Variants in ANKRD11 observed in about 807,000 individuals in gnomAD.
The protein encoded by ANKRD11 is ankyrin repeat domain-containing protein 11.
A neutral mutation model predicts 195.7 loss-of-function variants in ANKRD11; 17 were observed. The observed-to-expected ratio is 0.09, with a 90% CI of 0.06 to 0.13. ANKRD11 has a LOEUF of 0.13. Ranked by LOEUF, ANKRD11 falls within the 10% of genes least tolerant of loss-of-function variation. The pLI, the probability that ANKRD11 is intolerant of heterozygous loss-of-function variation, is 1.00. For synonymous variants in ANKRD11, 1,953 were observed against 1,528.1 expected (o/e 1.28, Z -6.49); for missense variants, 3,735 against 3,566.1 (o/e 1.05, Z -1.21).
At position 89,280,122 on chromosome 16, in the gene ANKRD11, C is replaced by T; in HGVS notation, c.6420G>A (p.Glu2140=). The change falls in exon 9 of 13, where the codon GAG becomes GAA. Residue 2140 remains glutamate, a synonymous_variant. Transcript: ENST00000301030. ...CGGCATCTTTAGTCTGCAGGGGAAG[C>T]TCCGGCAGGGAGAAGGGCCCCAGGT... ...DLDLGPFSLP[E]LPLQTKDAAD... is the part of the protein sequence containing the mutation. 6.2e-7 allele frequency: 1 copy of T among 1,612,542 alleles called. No individual in the cohort carries two copies. The highest frequency in any genetic ancestry group is 8.5e-7 in the Non-Finnish European group (1 of 1,179,654).
chr16:89,458,721 G>C (rs2056540836), intron 1 of ANKRD11: 3 of 152,168 alleles, frequency 2.0e-5, no homozygotes, highest in Non-Finnish European at 4.4e-5. Context: ...CAAAATCCAA[G>C]CCTGCTTTGC....
intron 2 of ANKRD11, among the ~76,000 whole-genome samples, chr16:89,385,618 A>C (rs889520243): frequency 6.6e-6 from 1 of 152,090 alleles, no homozygotes; most frequent in East Asian, 1.9e-4. Flanking sequence ...AACACAACAC[A>C]CTCACGATGA....
intron 2 of ANKRD11, among the ~76,000 whole-genome samples, chr16:89,417,315 A>T (rs1597343183): frequency 6.6e-6 from 1 of 152,326 alleles, no homozygotes; most frequent in Admixed American, 6.5e-5. Flanking sequence ...TGGAATGTTC[A>T]CTTTAAAACC....
At chr16:89,296,206 A>G (rs1192027267) in intron 4 of ANKRD11, among the ~76,000 whole-genome samples, 1 of 151,646 alleles carries the variant, frequency 6.6e-6, no homozygotes, top group Non-Finnish European at 1.5e-5. Flanking sequence ...TCATATTTAA[A>G]TGTGTAATTA....
intron 2 of ANKRD11, among the ~76,000 whole-genome samples, chr16:89,365,788 G>A (rs1597798261): frequency 6.6e-6 from 1 of 152,132 alleles, no homozygotes; most frequent in African/African-American, 2.4e-5. Context: ...AGGGTTTGTT[G>A]AACAGACTAT....
Position 89,279,423 on chromosome 16 carries a change from G to A in ANKRD11, c.7119C>T (p.Gly2373=), listed in dbSNP as rs1171824917. ...PAPVTRAKAR[G]SEDDDAQAQH... is the part of the protein sequence containing the mutation. ...GGGCCTGGGCGTCGTCGTCCTCGGAGCCGCGGGCCTTGGCCCTGGTGACCG... is the reference window on the plus strand; with the variant it reads ...GGGCCTGGGCGTCGTCGTCCTCGGAACCGCGGGCCTTGGCCCTGGTGACCG... Residue 2373 remains glycine (G), a synonymous_variant, in exon 9 of 13, where the codon GGC becomes GGT. Transcript: ENST00000301030. This position sits in a 1 kb window ranked among gnomAD's most constrained non-coding sequence, Gnocchi z 5.6. The A allele has an allele frequency of 2.0e-6, 3 of 1,526,176 alleles. No homozygotes were observed. The highest frequency in any genetic ancestry group is 2.4e-5 in the South Asian group (2 of 84,064). 94.5% of individuals were successfully genotyped at this position (1,526,176 alleles called of 1,614,324 possible).
rs1238617219 is a variant in ANKRD11, at chr16:89,282,641, T to C, written c.3901A>G (p.Ser1301Gly). 1 of 1,614,026 alleles carries C rather than the reference T, an allele frequency of 6.2e-7. No homozygotes were observed. Among genetic ancestry groups the C allele is most frequent in the Non-Finnish European group, 8.5e-7 (1 of 1,180,026 alleles). ...GTGAAGCTGTCAGAGGAGACCTCGC[T>C]GATTTTATCGTTGGAGTCTTCTCTG... is the stretch of plus-strand genomic sequence containing the variant. ...EYREDSNDKI[S>G]EVSSDSFTDR... Residue 1301 changes from serine (S) to glycine (G), a missense_variant, in exon 9 of 13, where the codon AGC becomes GGC. Ser to Gly is a moderately conservative substitution (Grantham distance 56, BLOSUM62 0). Transcript: ENST00000301030.
intron 2 of ANKRD11, among the ~76,000 whole-genome samples, chr16:89,376,772 C>G (rs1161671076): frequency 6.6e-6 from 1 of 152,104 alleles, no homozygotes; most frequent in Non-Finnish European, 1.5e-5. Flanking sequence ...AGGTGAAACT[C>G]CCCTATTCTG....
chr16:89,485,651 T>G (rs1220583158), intron 1 of ANKRD11, among the ~76,000 whole-genome samples: 2 of 152,156 alleles, frequency 1.3e-5, no homozygotes, highest in African/African-American at 2.4e-5. Flanking sequence ...CAATTAGTCT[T>G]TAAAAAGCAA....
Position 89,349,134 on chromosome 16 carries a change from TAAAAAAAAAAAAAA to T in ANKRD11, c.-59-32070_-59-32057del, listed in dbSNP as rs59621400. Among the ~76,000 whole-genome samples the T allele has an allele frequency of 7.8e-4, 13 of 16,578 alleles. No homozygotes were observed. The South Asian group carries it at 0.014, about 18-fold the overall frequency. The allele number at this position is 16,578 out of a possible 152,430, so 10.9% of individuals were successfully genotyped here. On this transcript the variant is annotated intron_variant, in intron 2 of 12. Coordinates refer to ENST00000301030, the MANE Select transcript of ANKRD11 (RefSeq NM_013275.6). ...CAGAGTAAAACACTGTCTCAAAAAG[TAAAAAAAAAAAAAA>T]AAAAAAAAAAAAAGAATAATAATTA...
In ANKRD11 at chr16:89,309,197, G is replaced by A. The variant is rs116977519; in HGVS notation, c.88-3853C>T. On this transcript the variant is annotated intron_variant, in intron 3 of 12. Transcript: ENST00000301030. ...TCCCTGGTGGTTCTTGGGGCACACTGGCTCATCGACAGAAGAGCCCACAAA... is the reference window on the plus strand; with the variant it reads ...TCCCTGGTGGTTCTTGGGGCACACTAGCTCATCGACAGAAGAGCCCACAAA... 8.0e-4 allele frequency among the ~76,000 whole-genome samples: 122 copies of A among 152,288 alleles called. 5 individuals carry two copies. The highest frequency in any genetic ancestry group is 6.9e-3 in the East Asian group (36 of 5,184).
At position 89,282,140 on chromosome 16, in the gene ANKRD11, TCTCC is replaced by T; in HGVS notation, c.4398_4401del (p.Glu1467AsnfsTer63). The T allele has an allele frequency of 6.2e-7, 1 of 1,613,912 alleles. No individual in the cohort carries two copies. The highest frequency in any genetic ancestry group is 8.5e-7 in the Non-Finnish European group (1 of 1,179,990). ...TGCCTCTCCTTCTCGTCTCTCCATT[TCTCC>T]CTGTGTTTCTCTCTCTTCTTCTTCT... On this transcript the variant is annotated frameshift_variant, in exon 9 of 13. Coordinates refer to ENST00000301030, the MANE Select transcript of ANKRD11 (RefSeq NM_013275.6). LOFTEE classifies it high-confidence loss of function.
intron 2 of ANKRD11, chr16:89,324,651 T>C (rs933551951): frequency 1.3e-5 from 5 of 381,338 alleles, no homozygotes; most frequent in East Asian, 1.5e-4. Flanking sequence ...CCAGCCTCCA[T>C]CTTTCTTCCA....
At chr16:89,471,036 T>G (rs914760007) in intron 1 of ANKRD11, among the ~76,000 whole-genome samples, 3 of 150,780 alleles carry the variant, frequency 2.0e-5, no homozygotes, top group Non-Finnish European at 4.4e-5. Context: ...GCCAAAGCCT[T>G]CCTTCCTACA....
In ANKRD11 at chr16:89,282,196, C is replaced by G; in HGVS notation, c.4346G>C (p.Gly1449Ala). 6.2e-7 allele frequency: 1 copy of G among 1,614,072 alleles called. No individual in the cohort carries two copies. Among genetic ancestry groups the G allele is most frequent in the Non-Finnish European group, 8.5e-7 (1 of 1,180,016 alleles). The part of the protein sequence containing the change: ...KKIEKELKPY[G>A]SSAINILKEK... Reference sequence around the variant, plus strand: ...TTTTAGGATGTTGATGGCACTAGATCCATAAGGCTTTAGTTCCTTTTCTAT... The same window carrying G: ...TTTTAGGATGTTGATGGCACTAGATGCATAAGGCTTTAGTTCCTTTTCTAT... The change falls in exon 9 of 13, where the codon GGA (glycine) becomes GCA (alanine). Residue 1449 changes from glycine to alanine, a missense_variant. By Grantham distance (60) the Gly-to-Ala change is moderately conservative (BLOSUM62 0). Coordinates refer to ENST00000301030, the MANE Select transcript of ANKRD11 (RefSeq NM_013275.6).
At chr16:89,330,773 C>A (rs2038023828) in intron 2 of ANKRD11, among the ~76,000 whole-genome samples, 1 of 151,418 alleles carries the variant, frequency 6.6e-6, no homozygotes, top group African/African-American at 2.4e-5. Flanking sequence ...AACCTCTAGC[C>A]CACACTCTGC....
At chr16:89,490,068 T>C (rs9925045) in intron 1 of ANKRD11, among the ~76,000 whole-genome samples, 177 bp downstream of exon 1, 49,655 of 100,842 alleles carry the variant, frequency 0.49, 12,345 homozygotes, top group East Asian at 0.63. Flanking sequence ...CCATTATTGG[T>C]CCCTCACGAT....
In ANKRD11 at chr16:89,275,138, C is replaced by T. The variant is rs2033537393; in HGVS notation, c.7524G>A (p.Gln2508=). The T allele has an allele frequency of 1.2e-6, 2 of 1,612,042 alleles. No individual in the cohort carries two copies. Among genetic ancestry groups the T allele is most frequent in the South Asian group, 2.2e-5 (2 of 90,696 alleles). ...AEPLKELFRQ[Q]EAVRGKLRLQ... ...GACGCAGCTTTCCCCGGACGGCCTC[C>T]TGCTGCCTGAACAGCTCCTTCAGGG... The change falls in exon 10 of 13, where the codon CAG becomes CAA. Residue 2508 remains glutamine (Q), a synonymous_variant. Coordinates refer to ENST00000301030, the MANE Select transcript of ANKRD11 (RefSeq NM_013275.6).
intron 2 of ANKRD11, among the ~76,000 whole-genome samples, chr16:89,344,019 G>A (rs1215102951): frequency 6.6e-6 from 1 of 152,178 alleles, no homozygotes; most frequent in African/African-American, 2.4e-5. Context: ...TATCGGTGCA[G>A]GCGGCCAGCC....
Sources: gnomAD v4.1 joint callset for allele counts (sites outside exome capture counted in the v4.1 genomes callset) on GRCh38, gnomAD v4.1.1 for gene constraint, Gnocchi (gnomAD v3.1) non-coding constraint, MANE v1.5 for transcripts, NCBI Gene and HGNC (gene_info 2026-07-23, HGNC 2026-07-21) for gene names.